LSP1: variants seen among roughly 807,000 people sequenced by gnomAD.
LSP1 encodes the protein lymphocyte-specific protein 1.
Under a neutral mutation model 49.3 loss-of-function variants are expected in LSP1, and 32 were observed. That is an observed-to-expected ratio of 0.65 (90% CI 0.49 to 0.87). The LOEUF (loss-of-function observed/expected upper bound fraction) is 0.87. Among genes scored for constraint, LSP1 ranks in the 40% least tolerant of loss-of-function variants. LSP1 has a pLI of 0.00. For missense variants in LSP1, 428 were observed against 442.6 expected, an observed-to-expected ratio of 0.97 and a Z score of 0.30; for synonymous variants, 179 against 178.8, an observed-to-expected ratio of 1.00 and a Z score of -0.01.
chr11:1,872,809 C>T (rs61868780), intron 1 of LSP1, among the ~76,000 whole-genome samples: 5,333 of 151,876 alleles, frequency 0.035, 141 homozygotes, highest in Non-Finnish European at 0.054. Context: ...GCAGTCACCC[C>T]GGCCCGCACT....
intron 1 of LSP1, chr11:1,870,583 C>T (rs1473704036): frequency 8.9e-7 from 1 of 1,129,336 alleles, no homozygotes; most frequent in Admixed American, 4.2e-5. Context: ...GATCCCGGTG[C>T]TGTGGGAGTG....
chr11:1,856,843 G>T (rs2685284), intron 1 of LSP1, among the ~76,000 whole-genome samples: 1 of 152,106 alleles, frequency 6.6e-6, no homozygotes, highest in Non-Finnish European at 1.5e-5. Flanking sequence ...GCTGGGGCAG[G>T]TGGCCCTGAG....
chr11:1,876,437 C>T (rs559257811), intron 1 of LSP1: 9 of 985,004 alleles, frequency 9.1e-6, no homozygotes, highest in Non-Finnish European at 1.1e-5. Flanking sequence ...GAAGCTCCCC[C>T]TCCCCTCGAC....
At position 1,881,414 on chromosome 11, in the gene LSP1, C is replaced by T. The variant is rs762578307; in HGVS notation, c.192-18C>T. ...GGCAGCAGCCGCCCAGGCCTAAGCTCCCCCCTGCTACCCTCAGCCTCAGCC... is the reference window on the plus strand; with the variant it reads ...GGCAGCAGCCGCCCAGGCCTAAGCTTCCCCCTGCTACCCTCAGCCTCAGCC... On this transcript the variant is annotated intron_variant, in intron 2 of 10. Coordinates refer to ENST00000311604, the MANE Select transcript of LSP1 (RefSeq NM_002339.3). 7 of 1,553,200 alleles carry T rather than the reference C, an allele frequency of 4.5e-6. No homozygotes were observed. In the African/African-American group the frequency reaches 6.8e-5, roughly 15 times the overall value.
chr11:1,859,752 C>T (rs1159447792), intron 1 of LSP1, among the ~76,000 whole-genome samples: 2 of 151,320 alleles, frequency 1.3e-5, no homozygotes, highest in African/African-American at 4.9e-5. Flanking sequence ...TGCCCCCTAC[C>T]CGTGGCTCTG....
chr11:1,885,652 T>G (rs939556623), intron 7 of LSP1, among the ~76,000 whole-genome samples: 7 of 151,852 alleles, frequency 4.6e-5, no homozygotes, highest in African/African-American at 1.7e-4. Context: ...CATCTCCATC[T>G]AACCAGTATC....
At chr11:1,870,950 C>T (rs895474220) in intron 1 of LSP1, 55 of 985,674 alleles carry the variant, frequency 5.6e-5, no homozygotes, top group East Asian at 1.1e-4. Context: ...AGGCGGGAGG[C>T]GCAGCCGGGC....
In LSP1 at chr11:1,871,423, C is replaced by T. The variant is rs567074378; in HGVS notation, c.54-8664C>T. On this transcript the variant is annotated intron_variant, in intron 1 of 10. Transcript: ENST00000311604. ...AGCACATCAAAAGAGGTAGGGCACC[C>T]AGCGCAAGGGAGGTGATGGGCTGGT... The T allele has an allele frequency of 2.5e-5, 25 of 986,354 alleles. No homozygotes were observed. In the South Asian group the frequency reaches 8.9e-4, roughly 35 times the overall value. The allele number at this position is 986,354 out of a possible 1,614,324, so 61.1% of individuals were successfully genotyped here.
At chr11:1,857,915 C>T (rs549020453) in intron 1 of LSP1, among the ~76,000 whole-genome samples, 9 of 152,228 alleles carry the variant, frequency 5.9e-5, no homozygotes, top group South Asian at 2.1e-4. Context: ...CCACTGCCCC[C>T]GGCTAATTTT....
chr11:1,874,549 C>T (rs1350638549), intron 1 of LSP1, among the ~76,000 whole-genome samples: 1 of 152,010 alleles, frequency 6.6e-6, no homozygotes, highest in Non-Finnish European at 1.5e-5. Flanking sequence ...CCAGGTGGGG[C>T]GAAGGCCAAG....
intron 3 of LSP1, among the ~76,000 whole-genome samples, chr11:1,882,198 G>T (rs1274547335): frequency 6.6e-6 from 1 of 152,190 alleles, no homozygotes; most frequent in African/African-American, 2.4e-5. Flanking sequence ...CCCTGCTCGG[G>T]GTCCTTGCCG....
chr11:1,878,382 G>T (rs79608083), intron 1 of LSP1, among the ~76,000 whole-genome samples: 1 of 152,246 alleles, frequency 6.6e-6, no homozygotes, highest in Non-Finnish European at 1.5e-5. Flanking sequence ...TCATCTGCCC[G>T]GATGATGGGA....
At chr11:1,882,870 C>G (rs572596050) in intron 3 of LSP1, among the ~76,000 whole-genome samples, 1 of 152,208 alleles carries the variant, frequency 6.6e-6, no homozygotes, top group Non-Finnish European at 1.5e-5. Flanking sequence ...AATGCAGAGC[C>G]GCTCAAAGCT....
intron 1 of LSP1, among the ~76,000 whole-genome samples, chr11:1,872,075 G>A (rs1848044145): frequency 7.2e-6 from 1 of 138,382 alleles, no homozygotes; most frequent in South Asian, 2.4e-4. Context: ...CGCTGGTAGA[G>A]TTGGGGTCTG....
intron 1 of LSP1, among the ~76,000 whole-genome samples, chr11:1,853,410 C>T (rs1025229179): frequency 1.3e-5 from 2 of 152,344 alleles, no homozygotes; most frequent in Non-Finnish European, 2.9e-5. Context: ...GTGGAGGTCT[C>T]TTCCGCCTGC....
intron 1 of LSP1, among the ~76,000 whole-genome samples, chr11:1,875,074 C>T (rs771799751): frequency 3.6e-4 from 53 of 148,946 alleles, no homozygotes; most frequent in Non-Finnish European, 6.3e-4. Context: ...GGTCCCAGCT[C>T]GGCCATGGGG....
At chr11:1,890,346 G>A in intron 10 of LSP1, 4 of 715,692 alleles carry the variant, frequency 5.6e-6, no homozygotes, top group Non-Finnish European at 1.0e-5. Context: ...AGCGTGCGGG[G>A]CTGTGACCTC....
intron 1 of LSP1, among the ~76,000 whole-genome samples, chr11:1,876,212 G>A (rs546878489): frequency 1.3e-5 from 2 of 152,308 alleles, no homozygotes; most frequent in South Asian, 2.1e-4. Flanking sequence ...ACCTTTTCCC[G>A]GCACACGGTG....
chr11:1,883,641 G>A, intron 4 of LSP1, 81 bp downstream of exon 4: 1 of 1,502,690 alleles, frequency 6.7e-7, no homozygotes, highest in African/African-American at 1.4e-5. Context: ...CCACTCTGTG[G>A]GCCCTGTGGG....
Sources: allele counts gnomAD v4.1 joint callset (sites outside exome capture counted in the v4.1 genomes callset), GRCh38; gene constraint gnomAD v4.1.1; transcripts MANE v1.5; gene names NCBI Gene and HGNC (gene_info 2026-07-23, HGNC 2026-07-21).